The following XCR1 variants were observed in gnomAD, a reference collection of about 807,000 sequenced individuals.
XCR1 encodes X-C motif chemokine receptor 1, also known as chemokine XC receptor 1.
For synonymous variants in XCR1, 187 were observed against 188.5 expected (o/e 0.99, Z 0.06); for missense variants, 356 against 424.2 (o/e 0.84, Z 1.41).
chr3:46,052,648 G>T (rs887494876), intron 5 of XCR1, among the ~76,000 whole-genome samples: 2 of 152,186 alleles, frequency 1.3e-5, no homozygotes, highest in Non-Finnish European at 2.9e-5. Flanking sequence ...GCATTGAAGA[G>T]CAATGAAGTT....
chr3:46,025,388 A>G (rs2125894191), intron 1 of XCR1, among the ~76,000 whole-genome samples: 1 of 152,262 alleles, frequency 6.6e-6, no homozygotes, highest in East Asian at 1.9e-4. Context: ...TGGGTGTCAG[A>G]GCAAGACCCT....
rs768591995 is a variant in XCR1, at chr3:46,021,498, G to C, written c.450C>G (p.Thr150=). The change falls in exon 2 of 2, where the codon ACC becomes ACG. Residue 150 remains threonine, a synonymous_variant. Transcript: ENST00000309285. The surrounding 1 kb of genome is among the most constrained non-coding windows in gnomAD (Gnocchi z 4.7). The part of the protein sequence containing the change: ...VPTLRCRVLV[T]MAVWVASILS... Reference sequence around the variant, plus strand: ...GGATGCTGGCTACCCACACAGCCATGGTCACCAGCACCCGGCAGCGGAGGG... The same window carrying C: ...GGATGCTGGCTACCCACACAGCCATCGTCACCAGCACCCGGCAGCGGAGGG... 2 of 1,613,556 alleles carry C rather than the reference G, an allele frequency of 1.2e-6. No homozygotes were observed. The highest frequency in any genetic ancestry group is 4.5e-5 in the East Asian group (2 of 44,848).
At chr3:46,040,447 AT>A (rs888494673) in intron 5 of XCR1, among the ~76,000 whole-genome samples, 1 of 152,096 alleles carries the variant, frequency 6.6e-6, no homozygotes, top group African/African-American at 2.4e-5. Flanking sequence ...TATTAGGCTT[AT>A]TTTATAAGTT....
intron 1 of XCR1, chr3:46,023,568 C>T (rs1377654711): frequency 1.4e-6 from 2 of 1,476,226 alleles, no homozygotes; most frequent in African/African-American, 1.4e-5. Flanking sequence ...AGAACACAGA[C>T]AAGGATGTAG....
At chr3:46,059,342 T>G (rs1697918764) in intron 4 of XCR1, among the ~76,000 whole-genome samples, 1 of 152,180 alleles carries the variant, frequency 6.6e-6, no homozygotes, top group South Asian at 2.1e-4. Context: ...TCTCTCTGGG[T>G]CATTCCTAAA....
chr3:46,082,476 C>CTTTTT (rs61282576), intron 1 of XCR1, among the ~76,000 whole-genome samples: 1 of 100,036 alleles, frequency 1.0e-5, no homozygotes, highest in African/African-American at 3.8e-5. Flanking sequence ...AATCAGGCTC[C>CTTTTT]TTTTTTTTTT....
intron 5 of XCR1, among the ~76,000 whole-genome samples, chr3:46,053,818 T>C (rs978640590): frequency 3.9e-5 from 6 of 152,102 alleles, no homozygotes; most frequent in African/African-American, 1.4e-4. Context: ...AATGTTTTTC[T>C]TCAACAGACC....
At chr3:46,050,254 A>G (rs923912164) in intron 5 of XCR1, among the ~76,000 whole-genome samples, 1 of 152,252 alleles carries the variant, frequency 6.6e-6, no homozygotes, top group African/African-American at 2.4e-5. Flanking sequence ...AATTTAAAGA[A>G]CAGTCTCCTT....
Position 46,020,820 on chromosome 3 carries a change from C to G in XCR1, c.*126G>C. 2.3e-6 allele frequency: 3 copies of G among 1,296,360 alleles called. No homozygotes were observed. The highest frequency in any genetic ancestry group is 3.1e-6 in the Non-Finnish European group (3 of 970,550). 80.3% of individuals were successfully genotyped at this position (1,296,360 alleles called of 1,614,324 possible). ...GGTGTAATGAATGACCTTCACTGCA[C>G]GCCTGCAGCGGAGGAGACGTCTCCA... is the stretch of plus-strand genomic sequence containing the variant. On this transcript the variant is annotated 3_prime_UTR_variant, in exon 2 of 2. Transcript: ENST00000309285.
chr3:46,085,277 G>T (rs1487815498), intron 1 of XCR1, among the ~76,000 whole-genome samples: 1 of 151,696 alleles, frequency 6.6e-6, no homozygotes, highest in African/African-American at 2.4e-5. Context: ...ACAAGAGGCA[G>T]GTACTAATGT....
chr3:46,064,245 C>T (rs1698020357), intron 4 of XCR1, among the ~76,000 whole-genome samples: 1 of 152,122 alleles, frequency 6.6e-6, no homozygotes, highest in Non-Finnish European at 1.5e-5. Context: ...CCAGGCACTG[C>T]GTAATTATTT....
At chr3:46,079,259 C>T (rs892350525) in intron 1 of XCR1, among the ~76,000 whole-genome samples, 1 of 152,046 alleles carries the variant, frequency 6.6e-6, no homozygotes, top group Non-Finnish European at 1.5e-5. Context: ...ACCCATATAG[C>T]CCAGGATGAT....
intron 1 of XCR1, chr3:46,023,298 G>A: frequency 3.6e-6 from 3 of 830,628 alleles, no homozygotes; most frequent in Non-Finnish European, 6.0e-6. Context: ...TGCTGTCTAT[G>A]GAAGTAATGG....
At chr3:46,026,266 A>T (rs1351830879) in intron 1 of XCR1, among the ~76,000 whole-genome samples, 1 of 152,144 alleles carries the variant, frequency 6.6e-6, no homozygotes, top group Non-Finnish European at 1.5e-5. Flanking sequence ...GCCTTTGGAG[A>T]TAAAAAGGAA....
chr3:46,085,531 A>G lies in XCR1; in HGVS notation c.-515+263T>C, dbSNP rs117220721. Among the ~76,000 whole-genome samples, 38 of 152,236 alleles carry G rather than the reference A, an allele frequency of 2.5e-4. No individual in the cohort carries two copies. In the East Asian group the frequency reaches 3.3e-3, roughly 13 times the overall value. On this transcript the variant is annotated intron_variant, in intron 1 of 5. Transcript: ENST00000683768. ...TCCATCCTGTCTGCCCCTCCCCTTC[A>G]CAGCAAATTTCTTGAAAGAATAGGC...
chr3:46,066,836 A>T (rs937359997), intron 4 of XCR1, among the ~76,000 whole-genome samples: 1 of 152,258 alleles, frequency 6.6e-6, no homozygotes, highest in African/African-American at 2.4e-5. Context: ...GCAGATAATT[A>T]TAACACCGAC....
intron 1 of XCR1, among the ~76,000 whole-genome samples, chr3:46,083,565 A>C (rs1304354687): frequency 6.6e-6 from 1 of 152,166 alleles, no homozygotes; most frequent in Non-Finnish European, 1.5e-5. Context: ...TTCTTTGAGA[A>C]TACTTTTGCC....
intron 1 of XCR1, chr3:46,023,439 A>G: frequency 3.3e-6 from 5 of 1,499,110 alleles, no homozygotes; most frequent in Non-Finnish European, 4.6e-6. Context: ...TGAAGCTGAC[A>G]CAATCTGAGC....
chr3:46,055,492 C>G (rs1697835135), intron 4 of XCR1, among the ~76,000 whole-genome samples: 1 of 152,224 alleles, frequency 6.6e-6, no homozygotes, highest in Admixed American at 6.5e-5. Context: ...TCACCCTGCA[C>G]TCTTTGACCA....
Sources: allele counts gnomAD v4.1 joint callset (sites outside exome capture counted in the v4.1 genomes callset), GRCh38; gene constraint gnomAD v4.1.1; non-coding constraint Gnocchi (gnomAD v3.1); transcripts MANE v1.5; gene names NCBI Gene and HGNC (gene_info 2026-07-23, HGNC 2026-07-21).